DSCAM: variants seen among roughly 807,000 people sequenced by gnomAD.
DSCAM encodes the protein DS cell adhesion molecule.
DSCAM carries 47 observed loss-of-function variants against 217.7 expected under a neutral mutation model. The ratio of observed to expected loss-of-function variants is 0.22; its 90% CI spans 0.17 to 0.28. DSCAM has a LOEUF of 0.28. Ranked by LOEUF, DSCAM falls within the 10% of genes least tolerant of loss-of-function variation. The pLI is 1.00. For missense variants in DSCAM, 2,080 were observed against 2,618.3 expected, an observed-to-expected ratio of 0.79 and a Z score of 4.49; for synonymous variants, 1,056 against 1,015.3, an observed-to-expected ratio of 1.04 and a Z score of -0.76.
intron 1 of DSCAM, among the ~76,000 whole-genome samples, chr21:40,794,740 C>T (rs1169329593): frequency 6.7e-6 from 1 of 150,132 alleles, no homozygotes; most frequent in Admixed American, 6.6e-5. Context: ...TATTTGAACC[C>T]CTTTTTCCAA....
At chr21:40,156,287 C>CAGAGAG (rs749781848) in intron 16 of DSCAM, among the ~76,000 whole-genome samples, 1,836 of 75,672 alleles carry the variant, frequency 0.024, 112 homozygotes, top group Non-Finnish European at 0.031. Flanking sequence ...CAAACTAAGA[C>CAGAGAG]AGAGAGAGAG....
chr21:40,550,002 C>T (rs114943281), intron 3 of DSCAM, among the ~76,000 whole-genome samples: 1,544 of 152,284 alleles, frequency 0.01, 24 homozygotes, highest in African/African-American at 0.035. Context: ...GCATCAAGCC[C>T]TACGCTTGGT....
intron 3 of DSCAM, among the ~76,000 whole-genome samples, chr21:40,472,793 T>C (rs28700962): frequency 0.14 from 20,752 of 152,044 alleles, 1,543 homozygotes; most frequent in Middle Eastern, 0.2. Flanking sequence ...GTGTGTCACA[T>C]TCCATCCCCT....
intron 16 of DSCAM, among the ~76,000 whole-genome samples, chr21:40,150,914 G>C (rs1233122767): frequency 6.6e-6 from 1 of 152,208 alleles, no homozygotes. Context: ...ATGAAACTCA[G>C]TGAATGAGGT....
intron 3 of DSCAM, among the ~76,000 whole-genome samples, chr21:40,489,591 G>A (rs901564519): frequency 3.3e-5 from 5 of 151,508 alleles, no homozygotes; most frequent in Admixed American, 6.6e-5. Flanking sequence ...CGGCTAAAAC[G>A]GTGAAACCCC....
intron 24 of DSCAM, among the ~76,000 whole-genome samples, chr21:40,082,169 A>G (rs1016287787): frequency 1.3e-5 from 2 of 152,184 alleles, no homozygotes; most frequent in Non-Finnish European, 2.9e-5. Context: ...ATCATTTAGA[A>G]AAGTCATTAG....
At chr21:40,065,549 G>A (rs921039013) in intron 27 of DSCAM, among the ~76,000 whole-genome samples, 6 of 152,122 alleles carry the variant, frequency 3.9e-5, no homozygotes, top group African/African-American at 4.8e-5. Flanking sequence ...TTACACAGAC[G>A]TACACATATT....
rs916756185 is a variant in DSCAM at position 40,144,205 on chromosome 21, C to A, written c.3259+286G>T. Reference sequence around the variant, plus strand: ...GAGACTTCTGCAGTAATAGAGAGAGCCTTGTTTTCACTCCAGAAAAGCCCA... The same window carrying A: ...GAGACTTCTGCAGTAATAGAGAGAGACTTGTTTTCACTCCAGAAAAGCCCA... On this transcript the variant is annotated intron_variant, in intron 17 of 32. Coordinates refer to ENST00000400454, the MANE Select transcript of DSCAM (RefSeq NM_001389.5). This position sits in a 1 kb window ranked among gnomAD's most constrained non-coding sequence, Gnocchi z 4.8. 1.3e-5 allele frequency among the ~76,000 whole-genome samples: 2 copies of A among 152,160 alleles called. No homozygotes were observed. The highest frequency in any genetic ancestry group is 2.4e-5 in the African/African-American group (1 of 41,444).
intron 11 of DSCAM, among the ~76,000 whole-genome samples, chr21:40,207,545 A>T (rs1447384066): frequency 1.3e-5 from 2 of 152,256 alleles, no homozygotes; most frequent in African/African-American, 4.8e-5. Flanking sequence ...AGGATGGCTC[A>T]TTGCAATCTT....
At chr21:40,613,939 A>C (rs1399183744) in intron 3 of DSCAM, among the ~76,000 whole-genome samples, 1 of 152,242 alleles carries the variant, frequency 6.6e-6, no homozygotes, top group Admixed American at 6.5e-5. Flanking sequence ...GAGACAATCA[A>C]AATTTGGGGA....
At chr21:40,161,739 G>T (rs1186767535) in intron 16 of DSCAM, among the ~76,000 whole-genome samples, 1 of 152,174 alleles carries the variant, frequency 6.6e-6, no homozygotes, top group Non-Finnish European at 1.5e-5. Context: ...TGGTGTTCAG[G>T]AATTTCAATA....
At chr21:40,435,994 G>T (rs1018287571) in intron 3 of DSCAM, among the ~76,000 whole-genome samples, 1 of 152,100 alleles carries the variant, frequency 6.6e-6, no homozygotes, top group South Asian at 2.1e-4. Context: ...TTTACAAGAC[G>T]GACTTGTTAG....
chr21:40,696,101 T>C (rs2090592320), intron 2 of DSCAM, among the ~76,000 whole-genome samples: 1 of 152,122 alleles, frequency 6.6e-6, no homozygotes, highest in African/African-American at 2.4e-5. Context: ...AAATACACTT[T>C]GTTTTAAATT....
intron 1 of DSCAM, among the ~76,000 whole-genome samples, chr21:40,788,886 T>G (rs2091615653): frequency 6.6e-6 from 1 of 152,206 alleles, no homozygotes; most frequent in South Asian, 2.1e-4. Flanking sequence ...TTTATACTGT[T>G]TTATGGATTT....
chr21:40,285,649 G>T (rs1029150076), intron 10 of DSCAM, among the ~76,000 whole-genome samples: 27 of 152,074 alleles, frequency 1.8e-4, no homozygotes, highest in Non-Finnish European at 3.1e-4. Flanking sequence ...TTGTTTTCAA[G>T]AACTCATTAT....
chr21:40,298,614 G>A (rs1192842313), intron 9 of DSCAM, among the ~76,000 whole-genome samples: 1 of 152,034 alleles, frequency 6.6e-6, no homozygotes, highest in Non-Finnish European at 1.5e-5. Context: ...ATTATTTAGA[G>A]CTAAGTTTTC....
At chr21:40,833,854 T>C (rs2092031813) in intron 1 of DSCAM, among the ~76,000 whole-genome samples, 1 of 152,154 alleles carries the variant, frequency 6.6e-6, no homozygotes, top group African/African-American at 2.4e-5. Flanking sequence ...ACAATGAAGA[T>C]GTTGAACTGG....
At chr21:40,354,754 C>G (rs113178176) in intron 4 of DSCAM, among the ~76,000 whole-genome samples, 5 of 148,138 alleles carry the variant, frequency 3.4e-5, no homozygotes, top group Non-Finnish European at 7.4e-5. Context: ...GAGGCTGAGG[C>G]AGGAGAATGG....
At chr21:40,768,785 G>C (rs553587912) in intron 1 of DSCAM, among the ~76,000 whole-genome samples, 69 of 152,196 alleles carry the variant, frequency 4.5e-4, no homozygotes, top group Non-Finnish European at 8.7e-4. Flanking sequence ...GTGAAAGTTA[G>C]AAACAAAAGC....
Sources: gnomAD v4.1 joint callset for allele counts (sites outside exome capture counted in the v4.1 genomes callset) on GRCh38, gnomAD v4.1.1 for gene constraint, Gnocchi (gnomAD v3.1) non-coding constraint, MANE v1.5 for transcripts, NCBI Gene and HGNC (gene_info 2026-07-23, HGNC 2026-07-21) for gene names.